Variants in SLC25A24 observed in about 807,000 individuals in gnomAD.
The protein encoded by SLC25A24 is mitochondrial adenyl nucleotide antiporter SLC25A24.
Under a neutral mutation model 60.7 loss-of-function variants are expected in SLC25A24, and 49 were observed. The ratio of observed to expected loss-of-function variants is 0.81; its 90% confidence interval spans 0.64 to 1.02. The LOEUF (loss-of-function observed/expected upper bound fraction) is 1.02. Ranked by LOEUF, SLC25A24 falls within the 50% of genes least tolerant of loss-of-function variation. The pLI, the probability that SLC25A24 is intolerant of heterozygous loss-of-function variation, is 0.00. For missense variants in SLC25A24, 564 were observed against 586.3 expected, an observed-to-expected ratio of 0.96 and a Z score of 0.39; for synonymous variants, 202 against 200.6, an observed-to-expected ratio of 1.01 and a Z score of -0.06.
intron 4 of SLC25A24, among the ~76,000 whole-genome samples, chr1:108,158,703 G>GAA (rs34586204): frequency 7.2e-6 from 1 of 138,280 alleles, no homozygotes. Flanking sequence ...AGCCCATAAA[G>GAA]AAAAAAAAAA....
Position 108,200,030 on chromosome 1 carries a change from C to G in SLC25A24, c.109G>C (p.Gly37Arg), listed in dbSNP as rs1648612290. Residue 37 changes from glycine to arginine, a missense_variant, in exon 1 of 10, where the codon GGA becomes CGA. Transcript: ENST00000565488. ...LFQALDRNGDGVVDIGELQEG... is the reference protein window; with the variant it reads ...LFQALDRNGDRVVDIGELQEG... The stretch of plus-strand genomic sequence containing the variant: ...TGCAGCTCGCCGATGTCCACCACTC[C>G]GTCCCCATTGCGGTCCAGTGCCTGG... 4 of 1,610,734 alleles carry G rather than the reference C, an allele frequency of 2.5e-6. No homozygotes were observed. The highest frequency in any genetic ancestry group is 1.1e-5 in the South Asian group (1 of 90,050).
At chr1:108,189,732 C>T (rs956287352) in intron 1 of SLC25A24, among the ~76,000 whole-genome samples, 2 of 150,722 alleles carry the variant, frequency 1.3e-5, no homozygotes, top group Non-Finnish European at 2.9e-5. Context: ...ACAAGAATTG[C>T]TTGAACCCGG....
chr1:108,187,927 G>GATAGATATAGATATATATATATATATAT, intron 1 of SLC25A24, among the ~76,000 whole-genome samples: 1 of 95,748 alleles, frequency 1.0e-5, no homozygotes, highest in Non-Finnish European at 2.1e-5. Flanking sequence ...AGACATTATA[G>GATAGATATAGATATATATATATATATAT]ATATATATAT....
chr1:108,169,201 T>G (rs1647356497), intron 3 of SLC25A24, among the ~76,000 whole-genome samples: 1 of 152,228 alleles, frequency 6.6e-6, no homozygotes, highest in African/African-American at 2.4e-5. Flanking sequence ...AGCACTGACT[T>G]GGTTATGGCT....
At chr1:108,165,895 T>G (rs1680239084) in intron 3 of SLC25A24, among the ~76,000 whole-genome samples, 1 of 152,246 alleles carries the variant, frequency 6.6e-6, no homozygotes, top group South Asian at 2.1e-4. Context: ...GTCTCGACGG[T>G]CTTTACATTT....
At chr1:108,181,250 A>C (rs1054353128) in intron 3 of SLC25A24, among the ~76,000 whole-genome samples, 7 of 152,190 alleles carry the variant, frequency 4.6e-5, no homozygotes, top group African/African-American at 1.7e-4. Flanking sequence ...TTTTTAGACA[A>C]TGTGAGGACT....
At chr1:108,176,704 C>T (rs923610353) in intron 3 of SLC25A24, among the ~76,000 whole-genome samples, 1 of 152,038 alleles carries the variant, frequency 6.6e-6, no homozygotes, top group Admixed American at 6.5e-5. Context: ...CCTAACAGGT[C>T]AGGAGAGAAA....
intron 3 of SLC25A24, among the ~76,000 whole-genome samples, chr1:108,174,310 G>T (rs2101631245): frequency 6.6e-6 from 1 of 152,350 alleles, no homozygotes; most frequent in South Asian, 2.1e-4. Flanking sequence ...CCAAGGTACA[G>T]CTCAGGCCAT....
chr1:108,162,008 C>A (rs1171902315), intron 3 of SLC25A24, among the ~76,000 whole-genome samples: 2 of 146,904 alleles, frequency 1.4e-5, no homozygotes, highest in Admixed American at 1.4e-4. Context: ...CATGTGTTCT[C>A]ACTGTTCAAT....
chr1:108,188,358 C>T (rs1384908076), intron 1 of SLC25A24, among the ~76,000 whole-genome samples: 1 of 151,990 alleles, frequency 6.6e-6, no homozygotes, highest in Non-Finnish European at 1.5e-5. Context: ...TGTGCACACA[C>T]CCTCCAAATC....
At chr1:108,180,620 CTCTCTCTCTCTCTCTCTCTCTCT>C (rs1647887342) in intron 3 of SLC25A24, among the ~76,000 whole-genome samples, 12 of 132,004 alleles carry the variant, frequency 9.1e-5, no homozygotes, top group South Asian at 2.6e-4. Context: ...AGAAAGATCT[CTCTCTCTCTCTCTCTCTCTCTCT>C]CTCTCTCTCT....
intron 1 of SLC25A24, among the ~76,000 whole-genome samples, chr1:108,195,589 T>C (rs923055365): frequency 6.6e-6 from 1 of 152,250 alleles, no homozygotes; most frequent in Non-Finnish European, 1.5e-5. Flanking sequence ...TGGAATTCCA[T>C]TGTTTTTCTT....
intron 3 of SLC25A24, among the ~76,000 whole-genome samples, chr1:108,165,201 C>T (rs1339315122): frequency 6.6e-6 from 1 of 152,064 alleles, no homozygotes; most frequent in Non-Finnish European, 1.5e-5. Context: ...GTGAGGAGTG[C>T]TTTACTTCCA....
chr1:108,160,250 C>A (rs1680029448), intron 4 of SLC25A24, among the ~76,000 whole-genome samples: 1 of 148,750 alleles, frequency 6.7e-6, no homozygotes, highest in South Asian at 2.2e-4. Flanking sequence ...GGCGGCGGGG[C>A]AGAGGCGCTC....
At chr1:108,166,842 G>A (rs965355152) in intron 3 of SLC25A24, among the ~76,000 whole-genome samples, 7 of 152,280 alleles carry the variant, frequency 4.6e-5, no homozygotes, top group South Asian at 2.1e-4. Context: ...GAGGAACAGC[G>A]TTCCTTTGGA....
intron 7 of SLC25A24, among the ~76,000 whole-genome samples, chr1:108,144,099 C>T (rs1679519795): frequency 2.0e-5 from 3 of 152,084 alleles, no homozygotes; most frequent in Admixed American, 2.0e-4. Context: ...ATACTATTAA[C>T]TGATATGGAG....
chr1:108,146,989 G>A (rs1195373779), intron 7 of SLC25A24, among the ~76,000 whole-genome samples: 2 of 152,188 alleles, frequency 1.3e-5, no homozygotes, highest in Non-Finnish European at 2.9e-5. Flanking sequence ...AGAAGGAATG[G>A]CATCAGCTCC....
intron 3 of SLC25A24, among the ~76,000 whole-genome samples, chr1:108,168,590 C>A (rs1647315676): frequency 1.3e-5 from 2 of 152,206 alleles, no homozygotes; most frequent in African/African-American, 4.8e-5. Context: ...CATTTCCCTT[C>A]AAATTACTAA....
Position 108,192,892 on chromosome 1 carries a change from G to A in SLC25A24, c.184-6938C>T, listed in dbSNP as rs1381694019. 8 of 646,198 alleles carry A rather than the reference G, an allele frequency of 1.2e-5. 3 individuals carry two copies. Among genetic ancestry groups the A allele is most frequent in the Non-Finnish European group, 1.6e-5 (8 of 485,006 alleles). 40.0% of individuals were successfully genotyped at this position (646,198 alleles called of 1,614,324 possible). On this transcript the variant is annotated intron_variant, in intron 1 of 9. Transcript: ENST00000565488. ...CTCTGGGCTGCGCTGGGAGACCGCG[G>A]AGTTCCTGCCTCACTCACGTCTGAT...
Sources: allele counts gnomAD v4.1 joint callset (sites outside exome capture counted in the v4.1 genomes callset), GRCh38; gene constraint gnomAD v4.1.1; transcripts MANE v1.5; gene names NCBI Gene and HGNC (gene_info 2026-07-23, HGNC 2026-07-21).